The following LEPROTL1 variants were observed in gnomAD, a reference collection of about 807,000 sequenced individuals.
The protein encoded by LEPROTL1 is leptin receptor overlapping transcript like 1.
In LEPROTL1, 6 loss-of-function variants were observed where a neutral mutation model predicts 15.4. The ratio of observed to expected loss-of-function variants is 0.39; its 90% CI spans 0.21 to 0.77. LEPROTL1 has a LOEUF of 0.77. Ranked by LOEUF, LEPROTL1 falls within the 30% of genes least tolerant of loss-of-function variation. The pLI, the probability that LEPROTL1 is intolerant of heterozygous loss-of-function variation, is 0.41. For missense variants in LEPROTL1, 128 were observed against 158.1 expected, an observed-to-expected ratio of 0.81 and a Z score of 1.02; for synonymous variants, 56 against 52.6, an observed-to-expected ratio of 1.06 and a Z score of -0.28.
At chr8:30,132,286 C>G in intron 3 of LEPROTL1, 1 of 1,551,794 alleles carries the variant, frequency 6.4e-7, no homozygotes, top group South Asian at 1.2e-5. Flanking sequence ...CCAAGCCCTG[C>G]TGTGCTGGAA....
At chr8:30,135,272 AAC>A (rs1329121880) in intron 4 of LEPROTL1, among the ~76,000 whole-genome samples, 5 of 152,168 alleles carry the variant, frequency 3.3e-5, no homozygotes, top group Admixed American at 6.5e-5. Context: ...GGGGAAATTA[AAC>A]ATTAGAGATG....
chr8:30,118,720 A>G (rs531644057), intron 3 of LEPROTL1, among the ~76,000 whole-genome samples: 2 of 152,318 alleles, frequency 1.3e-5, no homozygotes, highest in African/African-American at 2.4e-5. Flanking sequence ...TATTTTCACT[A>G]TCTCGGCAAG....
chr8:30,136,206 G>A (rs890580275), intron 4 of LEPROTL1, among the ~76,000 whole-genome samples: 4 of 152,176 alleles, frequency 2.6e-5, no homozygotes, highest in Admixed American at 1.3e-4. Flanking sequence ...TATGGAGTTA[G>A]GGTCTTTAAA....
intron 3 of LEPROTL1, among the ~76,000 whole-genome samples, chr8:30,131,448 C>A (rs1235581607): frequency 6.6e-6 from 1 of 151,798 alleles, no homozygotes; most frequent in Non-Finnish European, 1.5e-5. Context: ...AGCCACTGCA[C>A]CTGGCCCAAA....
At chr8:30,122,109 G>C (rs1291651083) in intron 3 of LEPROTL1, among the ~76,000 whole-genome samples, 1 of 151,834 alleles carries the variant, frequency 6.6e-6, no homozygotes, top group Non-Finnish European at 1.5e-5. Context: ...CGAGGTTTCA[G>C]TGAGCCGAGA....
rs182804364 is a variant in LEPROTL1, at chr8:30,104,719, T to C, written c.279+233T>C. On this transcript the variant is annotated intron_variant, in intron 3 of 3. Coordinates refer to ENST00000321250, the MANE Select transcript of LEPROTL1 (RefSeq NM_015344.3). Reference sequence around the variant, plus strand: ...TTGCTAATACTTTTTTTTTTCTTTTTTTTTTTTTTTTGAGATGGAGTCTTG... The same window carrying C: ...TTGCTAATACTTTTTTTTTTCTTTTCTTTTTTTTTTTGAGATGGAGTCTTG... 1.5e-3 allele frequency: 488 copies of C among 333,602 alleles called. 2 individuals carry two copies. The highest frequency in any genetic ancestry group is 0.01 in the African/African-American group (462 of 45,976). The allele number at this position is 333,602 out of a possible 1,614,324, so 20.7% of individuals were successfully genotyped here.
At chr8:30,116,825 C>T (rs1287159650) in intron 3 of LEPROTL1, among the ~76,000 whole-genome samples, 2 of 152,178 alleles carry the variant, frequency 1.3e-5, no homozygotes, top group African/African-American at 4.8e-5. Flanking sequence ...AGACAGACAT[C>T]GTGGGTTCTC....
At chr8:30,098,227 T>C (rs1437870555) in intron 1 of LEPROTL1, among the ~76,000 whole-genome samples, 1 of 152,222 alleles carries the variant, frequency 6.6e-6, no homozygotes, top group Non-Finnish European at 1.5e-5. Context: ...ACAAGGTATA[T>C]AGGTAATAGT....
At chr8:30,111,271 G>A (rs930105923), downstream of LEPROTL1, among the ~76,000 whole-genome samples, 1 of 152,098 alleles carries the variant, frequency 6.6e-6, no homozygotes, top group Non-Finnish European at 1.5e-5. Context: ...AGAAAAAGAA[G>A]ATGGTTTTGA....
downstream of LEPROTL1, among the ~76,000 whole-genome samples, chr8:30,112,784 C>A (rs1406884841): frequency 1.3e-5 from 2 of 151,780 alleles, no homozygotes; most frequent in African/African-American, 2.4e-5. Context: ...TAAATGTAAC[C>A]CACAGAGAGC....
chr8:30,132,392 C>T (rs1363249279), exon 4 of LEPROTL1: 15 of 1,551,734 alleles, frequency 9.7e-6, no homozygotes, highest in Admixed American at 2.0e-5. Context: ...ATGTCTGCAT[C>T]GGGGACATAT....
chr8:30,109,952 A>G (rs914750206), downstream of LEPROTL1, among the ~76,000 whole-genome samples: 5 of 151,822 alleles, frequency 3.3e-5, no homozygotes, highest in South Asian at 4.1e-4. Context: ...GTGCAGCAGA[A>G]GAAGGCTTAT....
intron 1 of LEPROTL1, chr8:30,096,507 C>A: frequency 2.4e-6 from 1 of 410,842 alleles, no homozygotes; most frequent in Non-Finnish European, 3.3e-6. Flanking sequence ...CACAGTCTTA[C>A]TGTTTCTTGT....
downstream of LEPROTL1, among the ~76,000 whole-genome samples, chr8:30,111,584 C>T (rs1248668129): frequency 1.3e-5 from 2 of 152,282 alleles, no homozygotes; most frequent in East Asian, 1.9e-4. Flanking sequence ...AGTTACATGC[C>T]GCATTCCAGG....
intron 3 of LEPROTL1, chr8:30,117,587 CACA>C (rs1802760898): frequency 7.0e-7 from 1 of 1,427,772 alleles, no homozygotes; most frequent in African/African-American, 1.4e-5. Context: ...CTGTGAGGTT[CACA>C]ACAATTTTCC....
rs565765053 is a variant in LEPROTL1 at position 30,104,242 on chromosome 8, T to C, written c.93-58T>C. The C allele has an allele frequency of 7.6e-4, 792 of 1,046,710 alleles. 1 individual carries two copies. The highest frequency in any genetic ancestry group is 8.7e-4 in the Middle Eastern group (4 of 4,578). The allele number at this position is 1,046,710 out of a possible 1,614,324, so 64.8% of individuals were successfully genotyped here. ...TCTTGATTTTTTAAAAAGACCATAT[T>C]TTGTGTGTAGGAAAATGACATAGCA... On this transcript the variant is annotated intron_variant, in intron 2 of 3. Coordinates refer to ENST00000321250, the MANE Select transcript of LEPROTL1 (RefSeq NM_015344.3).
At chr8:30,095,637 G>C in intron 1 of LEPROTL1, 109 bp downstream of exon 1, 1 of 954,154 alleles carries the variant, frequency 1.0e-6, no homozygotes. Context: ...GCGCGCGTGG[G>C]GTCCCTGCGC....
rs1173077078 is a variant in LEPROTL1 at position 30,106,536 on chromosome 8, C to T, written c.*674C>T. The T allele has an allele frequency of 1.0e-6, 1 of 985,354 alleles. No homozygotes were observed. Among genetic ancestry groups the T allele is most frequent in the Non-Finnish European group, 1.2e-6 (1 of 829,638 alleles). 61.0% of individuals were successfully genotyped at this position (985,354 alleles called of 1,614,324 possible). On this transcript the variant is annotated 3_prime_UTR_variant, in exon 4 of 4. Transcript: ENST00000321250. ...GGAATTGCTACAGAGGAGTGCTTTTCTTCTCAATTGTTAGAAGAATTTATG... is the reference window on the plus strand; with the variant it reads ...GGAATTGCTACAGAGGAGTGCTTTTTTTCTCAATTGTTAGAAGAATTTATG...
intron 4 of LEPROTL1, chr8:30,132,724 AG>A: frequency 6.4e-7 from 1 of 1,551,702 alleles, no homozygotes; most frequent in East Asian, 2.4e-5. Flanking sequence ...AGAGCCTCCC[AG>A]GAGAGCAGGG....
Sources: allele counts gnomAD v4.1 joint callset (sites outside exome capture counted in the v4.1 genomes callset), GRCh38; gene constraint gnomAD v4.1.1; transcripts MANE v1.5; gene names NCBI Gene and HGNC (gene_info 2026-07-23, HGNC 2026-07-21).